Variants in LHFPL3 observed in about 807,000 individuals in gnomAD.
The protein encoded by LHFPL3 is LHFPL tetraspan subfamily member 3 protein.
LHFPL3 carries 5 observed loss-of-function variants against 19.3 expected under a neutral mutation model. That is an observed-to-expected ratio of 0.26 (90% confidence interval 0.14 to 0.54). LHFPL3 has a LOEUF of 0.54. Ranked by LOEUF, LHFPL3 falls within the 20% of genes least tolerant of loss-of-function variation. The probability of loss-of-function intolerance (pLI) is 0.94; values close to 1 mark genes in which losing one functional copy is unlikely to be tolerated. For missense variants in LHFPL3, 249 were observed against 307.4 expected (o/e 0.81, Z 1.42); for synonymous variants, 133 against 126.2 (o/e 1.05, Z -0.36).
At chr7:104,435,083 G>T (rs1265901678) in intron 1 of LHFPL3, among the ~76,000 whole-genome samples, 2 of 151,820 alleles carry the variant, frequency 1.3e-5, no homozygotes, top group Non-Finnish European at 2.9e-5. Context: ...TTAAGGAAAA[G>T]AAAACATTTT....
At chr7:104,857,797 C>T (rs2116628715) in intron 2 of LHFPL3, among the ~76,000 whole-genome samples, 1 of 152,304 alleles carries the variant, frequency 6.6e-6, no homozygotes, top group Admixed American at 6.5e-5. Flanking sequence ...GTAAAATTTA[C>T]TGAGCTCCCA....
At chr7:104,822,637 G>A (rs1176815486) in intron 2 of LHFPL3, among the ~76,000 whole-genome samples, 1 of 152,160 alleles carries the variant, frequency 6.6e-6, no homozygotes, top group Non-Finnish European at 1.5e-5. Flanking sequence ...TCCAGAGGAA[G>A]GAATAGTTTT....
intron 1 of LHFPL3, among the ~76,000 whole-genome samples, chr7:104,611,938 A>T: frequency 6.6e-6 from 1 of 152,186 alleles, no homozygotes. Flanking sequence ...GGTGTCTGTC[A>T]TCCACTTCTG....
chr7:104,602,628 T>C (rs1194220667), intron 1 of LHFPL3, among the ~76,000 whole-genome samples: 7 of 152,226 alleles, frequency 4.6e-5, no homozygotes. Flanking sequence ...AATAGCATCT[T>C]CAGCATTATG....
chr7:104,504,944 C>G (rs1207220158), intron 1 of LHFPL3, among the ~76,000 whole-genome samples: 1 of 152,120 alleles, frequency 6.6e-6, no homozygotes, highest in Non-Finnish European at 1.5e-5. Context: ...ATTTTTTTAG[C>G]CTTCAAGGAT....
At chr7:104,682,077 A>G (rs1792714879) in intron 1 of LHFPL3, among the ~76,000 whole-genome samples, 1 of 152,232 alleles carries the variant, frequency 6.6e-6, no homozygotes, top group Non-Finnish European at 1.5e-5. Flanking sequence ...AATATTATGA[A>G]CTACATAATT....
At chr7:104,819,242 C>G (rs1173383570) in intron 2 of LHFPL3, among the ~76,000 whole-genome samples, 2 of 152,040 alleles carry the variant, frequency 1.3e-5, no homozygotes, top group Non-Finnish European at 2.9e-5. Flanking sequence ...AACAGATGTT[C>G]CCTATTTACA....
chr7:104,433,096 G>A (rs549061213), intron 1 of LHFPL3, among the ~76,000 whole-genome samples: 2 of 152,082 alleles, frequency 1.3e-5, no homozygotes, highest in Non-Finnish European at 2.9e-5. Flanking sequence ...TACCTTGTTA[G>A]AAATTAAAAC....
intron 2 of LHFPL3, among the ~76,000 whole-genome samples, chr7:104,824,632 A>G (rs1416185581): frequency 1.2e-5 from 1 of 83,106 alleles, no homozygotes; most frequent in Non-Finnish European, 2.1e-5. Context: ...TTTTATATAT[A>G]TTATTTTATA....
At chr7:104,654,130 CA>C (rs1330930736) in intron 1 of LHFPL3, among the ~76,000 whole-genome samples, 1 of 152,272 alleles carries the variant, frequency 6.6e-6, no homozygotes, top group African/African-American at 2.4e-5. Flanking sequence ...TGCAGCTCCA[CA>C]TGTGATTTAA....
chr7:104,652,917 A>G (rs1046907991), intron 1 of LHFPL3, among the ~76,000 whole-genome samples: 1 of 152,182 alleles, frequency 6.6e-6, no homozygotes, highest in Non-Finnish European at 1.5e-5. Flanking sequence ...AATTACAAAA[A>G]TCAGGGAGGG....
chr7:104,620,130 A>G (rs906887570), intron 1 of LHFPL3, among the ~76,000 whole-genome samples: 5 of 152,102 alleles, frequency 3.3e-5, no homozygotes, highest in Non-Finnish European at 7.4e-5. Flanking sequence ...CCCTGATGTA[A>G]TATATCAAGA....
intron 1 of LHFPL3, among the ~76,000 whole-genome samples, chr7:104,634,570 G>A (rs1353706202): frequency 1.3e-5 from 2 of 151,842 alleles, no homozygotes; most frequent in African/African-American, 4.8e-5. Flanking sequence ...AAAATGGGGG[G>A]ATTAAGTCAG....
intron 2 of LHFPL3, among the ~76,000 whole-genome samples, chr7:104,898,369 T>C (rs894593550): frequency 3.9e-5 from 6 of 152,134 alleles, no homozygotes; most frequent in Non-Finnish European, 8.8e-5. Context: ...AGACACACAG[T>C]AACTAGTCCT....
intron 1 of LHFPL3, among the ~76,000 whole-genome samples, chr7:104,566,270 G>C (rs570656940): frequency 6.6e-6 from 1 of 152,260 alleles, no homozygotes; most frequent in African/African-American, 2.4e-5. Flanking sequence ...AAGATTGCTT[G>C]AGCCCAGGAG....
chr7:104,756,701 T>C (rs1794292092), intron 2 of LHFPL3, among the ~76,000 whole-genome samples: 1 of 152,126 alleles, frequency 6.6e-6, no homozygotes, highest in Non-Finnish European at 1.5e-5. Context: ...GGTTTCACCA[T>C]GTTGACTAGG....
At chr7:104,656,338 G>A (rs1792120762) in intron 1 of LHFPL3, among the ~76,000 whole-genome samples, 1 of 152,100 alleles carries the variant, frequency 6.6e-6, no homozygotes, top group East Asian at 1.9e-4. Flanking sequence ...GCCTGAGGAG[G>A]CCTGGTGTAG....
intron 1 of LHFPL3, among the ~76,000 whole-genome samples, chr7:104,455,696 G>C (rs1792525057): frequency 6.6e-6 from 1 of 152,098 alleles, no homozygotes; most frequent in South Asian, 2.1e-4. Flanking sequence ...ACTCCCACTT[G>C]AGCAAAACAG....
intron 2 of LHFPL3, among the ~76,000 whole-genome samples, chr7:104,848,854 G>A (rs1791362223): frequency 6.6e-6 from 1 of 152,064 alleles, no homozygotes; most frequent in Non-Finnish European, 1.5e-5. Context: ...TGGCTTCCTA[G>A]TTAGCCATGG....
Sources: gnomAD v4.1 joint callset for allele counts (sites outside exome capture counted in the v4.1 genomes callset) on GRCh38, gnomAD v4.1.1 for gene constraint, MANE v1.5 for transcripts, NCBI Gene and HGNC (gene_info 2026-07-23, HGNC 2026-07-21) for gene names.